The following CFAP91 variants were observed in gnomAD, a reference collection of about 807,000 sequenced individuals.
CFAP91 encodes the protein cilia and flagella associated protein 91.
A neutral mutation model predicts 95.9 loss-of-function variants in CFAP91; 85 were observed. The ratio of observed to expected loss-of-function variants is 0.89; its 90% CI spans 0.74 to 1.06. The LOEUF (loss-of-function observed/expected upper bound fraction) is 1.06, where lower values mean the gene tolerates loss of function less well. CFAP91 is among the 50% of genes least tolerant of loss of function. The probability of loss-of-function intolerance (pLI) is 0.00; values close to 1 mark genes in which losing one functional copy is unlikely to be tolerated. For synonymous variants in CFAP91, 335 were observed against 327.5 expected, an observed-to-expected ratio of 1.02 and a Z score of -0.25; for missense variants, 962 against 943.4, an observed-to-expected ratio of 1.02 and a Z score of -0.26.
chr3:119,703,055 C>A lies in CFAP91; in HGVS notation c.-44C>A. 1 of 1,546,320 alleles carries A rather than the reference C, an allele frequency of 6.5e-7. No homozygotes were observed. The highest frequency in any genetic ancestry group is 8.7e-7 in the Non-Finnish European group (1 of 1,144,592). The stretch of plus-strand genomic sequence containing the variant: ...AGCGACGTGCACGCAGTAGCCAGGC[C>A]TGACCCGCTGGTCCCTTGCTGGCGG... On this transcript the variant is annotated 5_prime_UTR_variant, in exon 1 of 18. The change creates a new upstream start codon in the 5' untranslated region. Coordinates refer to ENST00000273390, the MANE Select transcript of CFAP91 (RefSeq NM_033364.4).
chr3:119,744,038 T>C lies in CFAP91; in HGVS notation c.1744T>C (p.Phe582Leu), dbSNP rs777800124. The change falls in exon 14 of 18, where the codon TTC (phenylalanine) becomes CTC (leucine). Residue 582 changes from phenylalanine (F) to leucine (L), a missense_variant. By Grantham distance (22) the Phe-to-Leu change is conservative. Coordinates refer to ENST00000273390, the MANE Select transcript of CFAP91 (RefSeq NM_033364.4). ...EGRALADMFDFLSKELVRLQE... is the reference protein window; with the variant it reads ...EGRALADMFDLLSKELVRLQE... ...AAGGGCACTAGCAGACATGTTTGACTTCCTGTCCAAAGAGCTGGTGAGACT... is the reference window on the plus strand; with the variant it reads ...AAGGGCACTAGCAGACATGTTTGACCTCCTGTCCAAAGAGCTGGTGAGACT... The C allele has an allele frequency of 1.1e-5, 18 of 1,614,182 alleles. No individual in the cohort carries two copies. The East Asian group carries it at 4.0e-4, about 36-fold the overall frequency.
intron 10 of CFAP91, among the ~76,000 whole-genome samples, chr3:119,734,004 A>G (rs1469258662): frequency 6.6e-6 from 1 of 152,136 alleles, no homozygotes; most frequent in Admixed American, 6.5e-5. Context: ...GCTGGACTAT[A>G]GGTGTATAGA....
intron 5 of CFAP91, among the ~76,000 whole-genome samples, chr3:119,714,272 A>T (rs142429823): frequency 0.015 from 2,233 of 151,522 alleles, 29 homozygotes; most frequent in Middle Eastern, 0.058. Context: ...AGGCTGAGGC[A>T]GGAGAATGGC....
At chr3:119,742,440 A>G (rs1191135296) in intron 13 of CFAP91, among the ~76,000 whole-genome samples, 1 of 152,182 alleles carries the variant, frequency 6.6e-6, no homozygotes, top group East Asian at 1.9e-4. Context: ...TCCCCTCCCT[A>G]AACATTTCCC....
At chr3:119,742,031 G>T (rs1413706191) in intron 13 of CFAP91, among the ~76,000 whole-genome samples, 2 of 152,212 alleles carry the variant, frequency 1.3e-5, no homozygotes, top group African/African-American at 4.8e-5. Context: ...TGCCCTGGAA[G>T]CGCTAGGCCC....
intron 17 of CFAP91, among the ~76,000 whole-genome samples, chr3:119,759,943 G>C (rs2054505266): frequency 6.6e-6 from 1 of 151,750 alleles, no homozygotes; most frequent in South Asian, 2.1e-4. Flanking sequence ...AATTACAAAG[G>C]AATACAGCAA....
rs2054623310 is a variant in CFAP91, at chr3:119,766,156, T to A, written c.*1106T>A. ...AAAATTGATAATGTTGGCAACACAT[T>A]TATTAAGTGATCCAACATGGGATGG... On this transcript the variant is annotated 3_prime_UTR_variant, in exon 18 of 18. Coordinates refer to ENST00000273390, the MANE Select transcript of CFAP91 (RefSeq NM_033364.4). 1 of 147,124 alleles carries A rather than the reference T, an allele frequency of 6.8e-6. No homozygotes were observed. Among genetic ancestry groups the A allele is most frequent in the Admixed American group, 6.8e-5 (1 of 14,616 alleles). 9.1% of individuals were successfully genotyped at this position (147,124 alleles called of 1,614,324 possible).
At chr3:119,731,389 G>A (rs755287910) in intron 8 of CFAP91, among the ~76,000 whole-genome samples, 5 of 152,118 alleles carry the variant, frequency 3.3e-5, no homozygotes, top group Non-Finnish European at 7.4e-5. Context: ...ATTATGTTTA[G>A]TGAACTTAAA....
intron 5 of CFAP91, among the ~76,000 whole-genome samples, chr3:119,714,568 T>G (rs1234412550): frequency 6.6e-6 from 1 of 152,210 alleles, no homozygotes; most frequent in Non-Finnish European, 1.5e-5. Flanking sequence ...CTGTTTTACT[T>G]TTCTTTGATT....
At chr3:119,752,170 T>G (rs1189940756) in intron 17 of CFAP91, 1 of 152,194 alleles carries the variant, frequency 6.6e-6, no homozygotes, top group Non-Finnish European at 1.5e-5. Context: ...GCCCTGAAGG[T>G]ATACCAACCA....
chr3:119,757,579 A>G (rs975111005), intron 17 of CFAP91, among the ~76,000 whole-genome samples: 4 of 152,254 alleles, frequency 2.6e-5, no homozygotes, highest in Non-Finnish European at 5.9e-5. Context: ...CCCAGGAGGC[A>G]GAGGTTGCAG....
intron 17 of CFAP91, among the ~76,000 whole-genome samples, chr3:119,753,989 C>T (rs1055500679): frequency 6.6e-6 from 1 of 152,140 alleles, no homozygotes; most frequent in Non-Finnish European, 1.5e-5. Context: ...TATGGCAGCC[C>T]CAGCTGACTA....
intron 9 of CFAP91, among the ~76,000 whole-genome samples, 179 bp downstream of exon 9, chr3:119,732,655 A>G (rs1305184147): frequency 6.6e-6 from 1 of 152,270 alleles, no homozygotes; most frequent in African/African-American, 2.4e-5. Flanking sequence ...GACACACTAT[A>G]GAACAGTTCA....
chr3:119,733,279 C>CA (rs1280749687), intron 9 of CFAP91, 85 bp from the exon 10 acceptor site: 5 of 1,428,018 alleles, frequency 3.5e-6, no homozygotes, highest in Non-Finnish European at 4.7e-6. Context: ...AACTGCTTGG[C>CA]AAACAGCTAC....
chr3:119,757,155 G>T (rs1310200999), intron 17 of CFAP91, among the ~76,000 whole-genome samples: 1 of 152,062 alleles, frequency 6.6e-6, no homozygotes, highest in South Asian at 2.1e-4. Flanking sequence ...AGAGGGACAT[G>T]CCATAAAGAT....
At chr3:119,710,841 G>A (rs1251033047) in intron 5 of CFAP91, among the ~76,000 whole-genome samples, 2 of 152,186 alleles carry the variant, frequency 1.3e-5, no homozygotes, top group African/African-American at 4.8e-5. Context: ...AGGGACAAGG[G>A]CTGAATCTGA....
chr3:119,751,907 C>G lies in CFAP91; in HGVS notation c.*1+809C>G, dbSNP rs117411029. 4.9e-4 allele frequency among the ~76,000 whole-genome samples: 74 copies of G among 152,282 alleles called. No individual in the cohort carries two copies. The East Asian group carries it at 9.7e-3, about 20-fold the overall frequency. On this transcript the variant is annotated intron_variant, in intron 17 of 17. Transcript: ENST00000273390. ...AAAAGTCAACATACTCACAGAAACT[C>G]AAAGCTGTGGTTTTCTATTAGGTAT...
chr3:119,744,376 G>A (rs1310147998), intron 14 of CFAP91, among the ~76,000 whole-genome samples, 180 bp downstream of exon 14: 7 of 152,184 alleles, frequency 4.6e-5, no homozygotes, highest in African/African-American at 9.7e-5. Context: ...ACACGATCCC[G>A]TCTCTCCTAA....
At chr3:119,707,379 C>A in intron 2 of CFAP91, 25 bp from the exon 3 acceptor site, 1 of 1,498,522 alleles carries the variant, frequency 6.7e-7, no homozygotes, top group Non-Finnish European at 9.0e-7. Context: ...TAATTTTGTC[C>A]TTTGCCTCCC....
Sources: allele counts gnomAD v4.1 joint callset (sites outside exome capture counted in the v4.1 genomes callset), GRCh38; gene constraint gnomAD v4.1.1; transcripts MANE v1.5; gene names NCBI Gene and HGNC (gene_info 2026-07-23, HGNC 2026-07-21).